Variants in STEAP4 observed in about 807,000 individuals in gnomAD.
STEAP4 encodes STEAP4 metalloreductase.
STEAP4 carries 36 observed loss-of-function variants against 43.6 expected under a neutral mutation model. The ratio of observed to expected loss-of-function variants is 0.83; its 90% CI spans 0.63 to 1.09. The LOEUF (loss-of-function observed/expected upper bound fraction) is 1.09. Ranked by LOEUF, STEAP4 falls within the 50% of genes least tolerant of loss-of-function variation. The pLI is 0.00. For synonymous variants in STEAP4, 191 were observed against 196.7 expected (o/e 0.97, Z 0.24); for missense variants, 495 against 546.5 (o/e 0.91, Z 0.94).
intron 1 of STEAP4, among the ~76,000 whole-genome samples, chr7:88,295,330 G>C (rs1402469990): frequency 6.6e-6 from 1 of 152,070 alleles, no homozygotes; most frequent in Non-Finnish European, 1.5e-5. Context: ...ACTCTGCAAA[G>C]GTCTACACTA....
Position 88,283,101 on chromosome 7 carries a change from A to G in STEAP4, c.524T>C (p.Leu175Pro). 1 of 1,605,370 alleles carries G rather than the reference A, an allele frequency of 6.2e-7. No homozygotes were observed. The highest frequency in any genetic ancestry group is 8.5e-7 in the Non-Finnish European group (1 of 1,176,690). ...RVMDIVRNLG[L>P]TPMDQGSLMA... ...GAGTGATCCTTGATCCATTGGAGTAAGTCCAAGATTACGAACAATATCCAT... is the reference window on the plus strand; with the variant it reads ...GAGTGATCCTTGATCCATTGGAGTAGGTCCAAGATTACGAACAATATCCAT... The change falls in exon 3 of 5, where the codon CTT (leucine) becomes CCT (proline). Residue 175 changes from leucine (L) to proline (P), a missense_variant. Physicochemically the swap from Leu to Pro is moderately conservative, Grantham distance 98 (BLOSUM62 -3). Transcript: ENST00000380079.
At chr7:88,287,275 A>T (rs1047430240) in intron 1 of STEAP4, among the ~76,000 whole-genome samples, 8 of 152,202 alleles carry the variant, frequency 5.3e-5, no homozygotes, top group Non-Finnish European at 1.2e-4. Context: ...GTCAGCCCCT[A>T]GTCCAAGAGA....
rs1050581820 is a variant in STEAP4 at position 88,278,198 on chromosome 7, T to C, written c.*1200A>G. 6.6e-6 allele frequency: 1 copy of C among 152,166 alleles called. No homozygotes were observed. The highest frequency in any genetic ancestry group is 6.5e-5 in the Admixed American group (1 of 15,270). The allele number at this position is 152,166 out of a possible 1,614,324, so 9.4% of individuals were successfully genotyped here. A position where few individuals can be genotyped will look rare whatever the true frequency, so the allele number is the denominator to read the frequency against. ...CTTGAGCTAGGAAGGTTAATCCCCCTGAAGGTCACCTTGGAAAGGGTACTA... is the reference window on the plus strand; with the variant it reads ...CTTGAGCTAGGAAGGTTAATCCCCCCGAAGGTCACCTTGGAAAGGGTACTA... On this transcript the variant is annotated 3_prime_UTR_variant, in exon 5 of 5. Transcript: ENST00000380079.
chr7:88,302,897 T>C (rs898901191), intron 1 of STEAP4, among the ~76,000 whole-genome samples: 2 of 136,398 alleles, frequency 1.5e-5, no homozygotes, highest in African/African-American at 5.7e-5. Context: ...GAGGTTGCAG[T>C]GAGCTGACAT....
chr7:88,286,764 AACAC>A (rs61360123), intron 1 of STEAP4, among the ~76,000 whole-genome samples: 5,636 of 133,758 alleles, frequency 0.042, 159 homozygotes, highest in African/African-American at 0.091. Flanking sequence ...CATACATATA[AACAC>A]ACACACACAC....
chr7:88,294,806 A>C (rs1017376523), intron 1 of STEAP4, among the ~76,000 whole-genome samples: 1 of 152,190 alleles, frequency 6.6e-6, no homozygotes, highest in Non-Finnish European at 1.5e-5. Context: ...AAGAAAAGGC[A>C]AGAAAATCTT....
intron 1 of STEAP4, chr7:88,298,466 A>AGC (rs1259410140): frequency 2.1e-5 from 3 of 141,318 alleles, no homozygotes; most frequent in African/African-American, 8.0e-5. Flanking sequence ...GGTTCTTGTA[A>AGC]ACACACACAC....
At position 88,283,992 on chromosome 7, in the gene STEAP4, G is replaced by C. The variant is rs781743937; in HGVS notation, c.278C>G (p.Thr93Ser). 6.2e-7 allele frequency: 1 copy of C among 1,614,112 alleles called. No homozygotes were observed. Among genetic ancestry groups the C allele is most frequent in the Admixed American group, 1.7e-5 (1 of 59,996 alleles). Residue 93 changes from threonine (T) to serine (S), a missense_variant, in exon 2 of 5, where the codon ACT (threonine) becomes AGT (serine). Transcript: ENST00000380079. Reference sequence around the variant, plus strand: ...CAATATTTTTCCATTGAGAACCTCAGTTAATTCTGTGAGAAAATCATAATG... The same window carrying C: ...CAATATTTTTCCATTGAGAACCTCACTTAATTCTGTGAGAAAATCATAATG... The part of the protein sequence containing the change: ...REHYDFLTEL[T>S]EVLNGKILVD...
At chr7:88,299,254 T>C (rs1852986870) in intron 1 of STEAP4, among the ~76,000 whole-genome samples, 1 of 152,246 alleles carries the variant, frequency 6.6e-6, no homozygotes, top group Admixed American at 6.5e-5. Context: ...CAGCAGTATC[T>C]GTCAAGATAA....
rs1323234345 is a variant in STEAP4 at position 88,283,052 on chromosome 7, C to T, written c.573G>A (p.Lys191=). Residue 191 remains lysine, a synonymous_variant, in exon 3 of 5, where the codon AAG becomes AAA. Coordinates refer to ENST00000380079, the MANE Select transcript of STEAP4 (RefSeq NM_024636.4). The stretch of plus-strand genomic sequence containing the variant: ...ACATTGGAAATAGCTGCAGGGGGTA[C>T]TTTTCAATTTCTTTGGCTGCCATGA... ...GSLMAAKEIE[K]YPLQLFPMWR... The T allele has an allele frequency of 6.2e-7, 1 of 1,613,580 alleles. No individual in the cohort carries two copies. The highest frequency in any genetic ancestry group is 8.5e-7 in the Non-Finnish European group (1 of 1,179,758).
At chr7:88,291,002 C>T (rs1222279926) in intron 1 of STEAP4, 1 of 152,260 alleles carries the variant, frequency 6.6e-6, no homozygotes, top group East Asian at 1.9e-4. Flanking sequence ...CATCTCAAAA[C>T]AGTTCTTGAG....
rs1031043209 is a variant in STEAP4 at position 88,275,166 on chromosome 7, A to G, written c.*4232T>C. On this transcript the variant is annotated 3_prime_UTR_variant, in exon 5 of 5. Transcript: ENST00000380079. ...GAGTGCAATGGCGCGATCTTGGCTC[A>G]TTGTAACCTCTGCTTCCTGGGTCCA... 1 of 152,496 alleles carries G rather than the reference A, an allele frequency of 6.6e-6. No individual in the cohort carries two copies. The highest frequency in any genetic ancestry group is 1.5e-5 in the Non-Finnish European group (1 of 68,328). The allele number at this position is 152,496 out of a possible 1,614,324, so 9.4% of individuals were successfully genotyped here. A position where few individuals can be genotyped will look rare whatever the true frequency, so the allele number is the denominator to read the frequency against.
chr7:88,282,894 T>C lies in STEAP4; in HGVS notation c.731A>G (p.Asn244Ser), dbSNP rs746832947. The part of the protein sequence containing the change: ...NTFRMAISIP[N>S]RIFPITALTL... ...AAGTGCTGTTATTGGAAAGATACGA[T>C]TTGGAATGGAAATAGCCATACGAAA... is the stretch of plus-strand genomic sequence containing the variant. The change falls in exon 3 of 5, where the codon AAT becomes AGT. Residue 244 changes from asparagine (N) to serine (S), a missense_variant. Asn to Ser is a conservative substitution (Grantham distance 46). Coordinates refer to ENST00000380079, the MANE Select transcript of STEAP4 (RefSeq NM_024636.4). 4 of 1,614,138 alleles carry C rather than the reference T, an allele frequency of 2.5e-6. No individual in the cohort carries two copies. The Admixed American group carries it at 6.7e-5, about 27-fold the overall frequency.
chr7:88,284,591 G>T (rs373416252), intron 1 of STEAP4, among the ~76,000 whole-genome samples: 2 of 152,012 alleles, frequency 1.3e-5, no homozygotes, highest in Non-Finnish European at 2.9e-5. Context: ...AAATTCACTT[G>T]TTTAGTGATA....
At chr7:88,295,805 T>C (rs375279146) in intron 1 of STEAP4, among the ~76,000 whole-genome samples, 75 of 152,334 alleles carry the variant, frequency 4.9e-4, no homozygotes, top group African/African-American at 1.7e-3. Context: ...AGTTATCTTT[T>C]TCTTTTCCTT....
intron 1 of STEAP4, among the ~76,000 whole-genome samples, chr7:88,289,344 G>A (rs1852798546): frequency 6.6e-6 from 1 of 152,128 alleles, no homozygotes; most frequent in Non-Finnish European, 1.5e-5. Context: ...ATGTTGTAAG[G>A]ACATTATTTC....
At position 88,271,426 on chromosome 7, in the gene STEAP4, C is replaced by A. The variant is rs528054293; in HGVS notation, c.*7972G>T. The A allele has an allele frequency of 3.3e-5, 5 of 152,190 alleles. No homozygotes were observed. The highest frequency in any genetic ancestry group is 7.4e-5 in the Non-Finnish European group (5 of 67,998). 9.4% of individuals were successfully genotyped at this position (152,190 alleles called of 1,614,324 possible). A position where few individuals can be genotyped will look rare whatever the true frequency, so the allele number is the denominator to read the frequency against. On this transcript the variant is annotated 3_prime_UTR_variant, in exon 5 of 5. Coordinates refer to ENST00000380079, the MANE Select transcript of STEAP4 (RefSeq NM_024636.4). ...ATCATACTATATATGTTATTTTGTA[C>A]CTTTTTAAAAACTGAACAGTATATT...
intron 1 of STEAP4, among the ~76,000 whole-genome samples, chr7:88,301,257 T>C (rs1417283684): frequency 6.6e-6 from 1 of 152,170 alleles, no homozygotes; most frequent in African/African-American, 2.4e-5. Flanking sequence ...TAAATCACTT[T>C]AGTACTTTGG....
chr7:88,271,717 C>G lies in STEAP4; in HGVS notation c.*7681G>C, dbSNP rs2115920665. ...GAGACTCCTGGATCAAAACTTAACT[C>G]TGCATTTTTTAATTTTGAAAGATAT... On this transcript the variant is annotated 3_prime_UTR_variant, in exon 5 of 5. Coordinates refer to ENST00000380079, the MANE Select transcript of STEAP4 (RefSeq NM_024636.4). 6.6e-6 allele frequency: 1 copy of G among 152,292 alleles called. No individual in the cohort carries two copies. Among genetic ancestry groups the G allele is most frequent in the South Asian group, 2.1e-4 (1 of 4,832 alleles). 9.4% of individuals were successfully genotyped at this position (152,292 alleles called of 1,614,324 possible).
Sources: allele counts gnomAD v4.1 joint callset (sites outside exome capture counted in the v4.1 genomes callset), GRCh38; gene constraint gnomAD v4.1.1; transcripts MANE v1.5; gene names NCBI Gene and HGNC (gene_info 2026-07-23, HGNC 2026-07-21).